STK3: variants seen among roughly 807,000 people sequenced by gnomAD.
STK3 encodes serine/threonine-protein kinase 3.
STK3 carries 41 observed loss-of-function variants against 58.0 expected under a neutral mutation model. The ratio of observed to expected loss-of-function variants is 0.71; its 90% CI spans 0.55 to 0.92. The LOEUF (loss-of-function observed/expected upper bound fraction) is 0.92, where lower values mean the gene tolerates loss of function less well. Among genes scored for constraint, STK3 ranks in the 40% least tolerant of loss-of-function variants. The pLI is 0.00. For synonymous variants in STK3, 170 were observed against 191.0 expected (o/e 0.89, Z 0.91); for missense variants, 479 against 602.7 (o/e 0.79, Z 2.15).
At chr8:98,511,309 A>G (rs1824498758) in intron 10 of STK3, among the ~76,000 whole-genome samples, 1 of 152,020 alleles carries the variant, frequency 6.6e-6, no homozygotes, top group Non-Finnish European at 1.5e-5. Context: ...ACAATGTAAG[A>G]TACTGAATCT....
chr8:98,901,160 A>C (rs1019901710), intron 1 of STK3, among the ~76,000 whole-genome samples: 1 of 152,156 alleles, frequency 6.6e-6, no homozygotes, highest in African/African-American at 2.4e-5. Context: ...CCTCAGCTCC[A>C]CCACTTATCA....
chr8:98,922,373 C>T (rs777556988), intron 1 of STK3, among the ~76,000 whole-genome samples: 5 of 152,192 alleles, frequency 3.3e-5, no homozygotes, highest in African/African-American at 4.8e-5. Flanking sequence ...AACCACCTAC[C>T]TCCAGCCTTC....
At chr8:98,509,405 G>A (rs1162945675) in intron 10 of STK3, among the ~76,000 whole-genome samples, 2 of 151,740 alleles carry the variant, frequency 1.3e-5, no homozygotes, top group African/African-American at 4.8e-5. Context: ...AAATACTTAG[G>A]CTGTTTTATA....
intron 4 of STK3, among the ~76,000 whole-genome samples, chr8:98,739,705 A>T (rs1318754933): frequency 5.4e-5 from 8 of 149,060 alleles, no homozygotes; most frequent in Non-Finnish European, 1.2e-4. Flanking sequence ...CCTCCAAAGG[A>T]ACGCAGCTCC....
chr8:98,537,378 A>G (rs1809853081), intron 9 of STK3, among the ~76,000 whole-genome samples: 1 of 152,232 alleles, frequency 6.6e-6, no homozygotes, highest in Non-Finnish European at 1.5e-5. Context: ...GCAATTGCCC[A>G]GTAATGTTTA....
intron 10 of STK3, among the ~76,000 whole-genome samples, chr8:98,502,834 A>C (rs559582968): frequency 1.4e-4 from 22 of 152,222 alleles, no homozygotes; most frequent in South Asian, 4.2e-4. Context: ...TTTCGCATTG[A>C]TGTTCATAAG....
intron 4 of STK3, among the ~76,000 whole-genome samples, chr8:98,738,571 G>A (rs147222455): frequency 5.5e-4 from 83 of 152,242 alleles, no homozygotes; most frequent in African/African-American, 1.8e-3. Flanking sequence ...CATCAAGCAC[G>A]CCACCATATA....
intron 3 of STK3, among the ~76,000 whole-genome samples, chr8:98,756,747 T>C (rs986961639): frequency 5.9e-5 from 9 of 152,218 alleles, no homozygotes; most frequent in Non-Finnish European, 1.3e-4. Flanking sequence ...AGCTAATTCC[T>C]AGAGACAGCA....
chr8:98,409,190 T>A (rs940359560), intron 3 of STK3, among the ~76,000 whole-genome samples: 10 of 152,058 alleles, frequency 6.6e-5, no homozygotes, highest in African/African-American at 2.4e-4. Context: ...TGAGGAGAGG[T>A]GCCATGTCTT....
intron 6 of STK3, among the ~76,000 whole-genome samples, chr8:98,643,414 G>C (rs1269201566): frequency 6.6e-6 from 1 of 152,034 alleles, no homozygotes; most frequent in Admixed American, 6.5e-5. Context: ...ACTTTGTACT[G>C]TCTGTTCCCT....
At chr8:98,717,176 G>C (rs777485910) in intron 4 of STK3, among the ~76,000 whole-genome samples, 1 of 150,794 alleles carries the variant, frequency 6.6e-6, no homozygotes, top group Non-Finnish European at 1.5e-5. Flanking sequence ...AGACAAATTG[G>C]ACTTCATGAA....
chr8:98,688,265 T>C (rs566803120), intron 6 of STK3, among the ~76,000 whole-genome samples: 1 of 152,286 alleles, frequency 6.6e-6, no homozygotes, highest in East Asian at 1.9e-4. Context: ...CACCCAGATT[T>C]ATGAAAACAA....
At chr8:98,506,638 G>A (rs990291607) in intron 10 of STK3, among the ~76,000 whole-genome samples, 2 of 151,972 alleles carry the variant, frequency 1.3e-5, no homozygotes, top group Admixed American at 6.6e-5. Context: ...TTGAACCCAG[G>A]AGGCAGAGGT....
chr8:98,470,252 A>G (rs1022739072), intron 10 of STK3, among the ~76,000 whole-genome samples: 1 of 152,156 alleles, frequency 6.6e-6, no homozygotes, highest in Non-Finnish European at 1.5e-5. Context: ...CCCATGATTT[A>G]CCTAAGTTCT....
chr8:98,779,874 C>CAATGAATG (rs750252961), intron 1 of STK3, among the ~76,000 whole-genome samples: 15 of 150,938 alleles, frequency 9.9e-5, no homozygotes, highest in Middle Eastern at 3.4e-3. Context: ...ATATATAAGT[C>CAATGAATG]AATGAATGAA....
At chr8:98,930,648 C>G (rs1055284981) in intron 1 of STK3, among the ~76,000 whole-genome samples, 1 of 152,172 alleles carries the variant, frequency 6.6e-6, no homozygotes, top group Non-Finnish European at 1.5e-5. Flanking sequence ...TAAATTGCCT[C>G]ATTTAGGAAG....
At chr8:98,710,492 A>G (rs552508425) in intron 4 of STK3, among the ~76,000 whole-genome samples, 50 of 152,234 alleles carry the variant, frequency 3.3e-4, no homozygotes, top group Non-Finnish European at 6.5e-4. Context: ...CCAGGAGATT[A>G]TATCCCGCGC....
chr8:98,917,229 A>C (rs1839378085), intron 1 of STK3, among the ~76,000 whole-genome samples: 1 of 152,244 alleles, frequency 6.6e-6, no homozygotes, highest in Non-Finnish European at 1.5e-5. Flanking sequence ...GCACTTAACA[A>C]ATATTTATAT....
intron 8 of STK3, among the ~76,000 whole-genome samples, chr8:98,579,118 T>C (rs1421541003): frequency 3.3e-5 from 5 of 151,792 alleles, no homozygotes. Flanking sequence ...GCCACTGTAC[T>C]CCCGCCCAGG....
Sources: gnomAD v4.1 joint callset for allele counts (sites outside exome capture counted in the v4.1 genomes callset) on GRCh38, gnomAD v4.1.1 for gene constraint, MANE v1.5 for transcripts, NCBI Gene and HGNC (gene_info 2026-07-23, HGNC 2026-07-21) for gene names.